Variants in TNR observed in about 807,000 individuals in gnomAD.
The protein encoded by TNR is tenascin R.
A neutral mutation model predicts 150.4 loss-of-function variants in TNR; 45 were observed. That is an observed-to-expected ratio of 0.30 (90% CI 0.24 to 0.38). TNR has a LOEUF of 0.38. TNR is among the 10% of genes least tolerant of loss of function. The pLI is 1.00. For synonymous variants in TNR, 687 were observed against 678.4 expected (o/e 1.01, Z -0.20); for missense variants, 1,544 against 1,759.1 (o/e 0.88, Z 2.19).
chr1:175,392,693 G>A (rs1394621247), intron 6 of TNR, among the ~76,000 whole-genome samples: 2 of 152,148 alleles, frequency 1.3e-5, no homozygotes, highest in African/African-American at 2.4e-5. Flanking sequence ...TAATATGACT[G>A]TAAATAAGAA....
In TNR at chr1:175,449,598, C is replaced by T. The variant is rs531739488; in HGVS notation, c.-63-42821G>A. On this transcript the variant is annotated intron_variant, in intron 2 of 22. Transcript: ENST00000367674. Reference sequence around the variant, plus strand: ...TGGCTGCTGCCTGTCCCTGGAAAGGCGTTAGTAAAGATTAAGGTAAAGGGA... The same window carrying T: ...TGGCTGCTGCCTGTCCCTGGAAAGGTGTTAGTAAAGATTAAGGTAAAGGGA... Among the ~76,000 whole-genome samples the T allele has an allele frequency of 1.4e-4, 21 of 152,248 alleles. 1 individual carries two copies. In the South Asian group the frequency reaches 3.9e-3, roughly 29 times the overall value.
chr1:175,430,832 A>C (rs1222450755), intron 2 of TNR, among the ~76,000 whole-genome samples: 1 of 152,240 alleles, frequency 6.6e-6, no homozygotes, highest in East Asian at 1.9e-4. Flanking sequence ...GGCTCAGGGA[A>C]ACATCATTAC....
In TNR at chr1:175,561,140, G is replaced by C. The variant is rs575166577; in HGVS notation, c.-164-32771C>G. ...CTCATTCTGAGTGTTAGCCTGTCTG[G>C]CACTATTTTTACAGGCTTATAATAC... On this transcript the variant is annotated intron_variant, in intron 1 of 22. Transcript: ENST00000367674. Among the ~76,000 whole-genome samples, 13 of 152,192 alleles carry C rather than the reference G, an allele frequency of 8.5e-5. No homozygotes were observed. In the South Asian group the frequency reaches 2.3e-3, roughly 27 times the overall value.
At chr1:175,685,006 T>C (rs1239060120) in intron 1 of TNR, among the ~76,000 whole-genome samples, 1 of 152,110 alleles carries the variant, frequency 6.6e-6, no homozygotes, top group Non-Finnish European at 1.5e-5. Context: ...TCCTATTTCC[T>C]TTTTTTCATC....
intron 1 of TNR, among the ~76,000 whole-genome samples, chr1:175,642,691 G>C (rs1664701112): frequency 6.6e-6 from 1 of 152,144 alleles, no homozygotes; most frequent in Non-Finnish European, 1.5e-5. Flanking sequence ...CAGCACTTTG[G>C]GAGGCCAAGA....
At chr1:175,734,786 C>G (rs989339051) in intron 1 of TNR, among the ~76,000 whole-genome samples, 3 of 152,206 alleles carry the variant, frequency 2.0e-5, no homozygotes, top group Non-Finnish European at 4.4e-5. Context: ...GCCTCACTTG[C>G]AGATGCTCAA....
chr1:175,364,981 T>A (rs780369184), intron 12 of TNR, 29 bp downstream of exon 12: 1 of 1,574,782 alleles, frequency 6.4e-7, no homozygotes, highest in Non-Finnish European at 8.6e-7. Flanking sequence ...ACCCCTTTCA[T>A]CACCTGCTGC....
At chr1:175,679,782 G>C (rs1014514699) in intron 1 of TNR, among the ~76,000 whole-genome samples, 1 of 152,180 alleles carries the variant, frequency 6.6e-6, no homozygotes, top group African/African-American at 2.4e-5. Context: ...TGGAAGAGGA[G>C]AGAAGCCTGC....
intron 1 of TNR, among the ~76,000 whole-genome samples, chr1:175,720,521 T>C (rs113574605): frequency 9.2e-5 from 14 of 152,348 alleles, no homozygotes; most frequent in African/African-American, 2.6e-4. Context: ...AGACGGGAAC[T>C]GTGCTTGGGC....
At chr1:175,507,124 A>G (rs1658987184) in intron 2 of TNR, among the ~76,000 whole-genome samples, 2 of 152,100 alleles carry the variant, frequency 1.3e-5, no homozygotes, top group Non-Finnish European at 2.9e-5. Context: ...CTCCGTGGAT[A>G]AGGACAGCCA....
chr1:175,373,005 C>A (rs949797954), intron 9 of TNR, among the ~76,000 whole-genome samples: 4 of 152,154 alleles, frequency 2.6e-5, no homozygotes, highest in African/African-American at 9.7e-5. Context: ...GGTTTCCTCA[C>A]TAGACTCTTA....
intron 1 of TNR, among the ~76,000 whole-genome samples, chr1:175,530,956 C>A (rs1037261796): frequency 1.3e-5 from 2 of 152,180 alleles, no homozygotes; most frequent in African/African-American, 2.4e-5. Context: ...CCATGCCAGG[C>A]ACCAGGAATA....
Position 175,455,338 on chromosome 1 carries a change from A to G in TNR, c.-63-48561T>C, listed in dbSNP as rs527833776. 5.6e-4 allele frequency among the ~76,000 whole-genome samples: 86 copies of G among 152,356 alleles called. 1 individual carries two copies. Among genetic ancestry groups the G allele is most frequent in the African/African-American group, 2.1e-3 (86 of 41,592 alleles). On this transcript the variant is annotated intron_variant, in intron 2 of 22. Transcript: ENST00000367674. The stretch of plus-strand genomic sequence containing the variant: ...GGGGTGGTTTGTTACACTGATAATC[A>G]GAACAAGGCCGATACAATATTCCTT...
intron 2 of TNR, among the ~76,000 whole-genome samples, chr1:175,419,304 A>G (rs1654645119): frequency 6.6e-6 from 1 of 152,212 alleles, no homozygotes; most frequent in Non-Finnish European, 1.5e-5. Flanking sequence ...ATCTGAATAA[A>G]GACAAGAATT....
chr1:175,565,688 T>C (rs1432231252), intron 1 of TNR, among the ~76,000 whole-genome samples: 5 of 152,152 alleles, frequency 3.3e-5, no homozygotes, highest in African/African-American at 1.2e-4. Flanking sequence ...GACTTTACCC[T>C]CAGAAAACAA....
At chr1:175,335,892 T>C in intron 19 of TNR, 85 bp from the exon 20 acceptor site, 1 of 1,197,812 alleles carries the variant, frequency 8.3e-7, no homozygotes, top group South Asian at 1.4e-5. Context: ...CTGTGATAAG[T>C]AAAATTGATA....
At chr1:175,568,355 T>C (rs1434647677) in intron 1 of TNR, among the ~76,000 whole-genome samples, 5 of 152,286 alleles carry the variant, frequency 3.3e-5, no homozygotes. Flanking sequence ...ACCTGTTTCA[T>C]GTAATTGTTT....
intron 18 of TNR, among the ~76,000 whole-genome samples, chr1:175,352,556 A>G (rs1261009742): frequency 6.6e-6 from 1 of 152,078 alleles, no homozygotes; most frequent in Non-Finnish European, 1.5e-5. Flanking sequence ...AGAGGGTAGC[A>G]CCTTAGTTCT....
chr1:175,714,715 C>A (rs905160369), intron 1 of TNR, among the ~76,000 whole-genome samples: 1 of 152,188 alleles, frequency 6.6e-6, no homozygotes, highest in Non-Finnish European at 1.5e-5. Flanking sequence ...AATTACTGGC[C>A]CCCAATTCAT....
Sources: allele counts gnomAD v4.1 joint callset (sites outside exome capture counted in the v4.1 genomes callset), GRCh38; gene constraint gnomAD v4.1.1; transcripts MANE v1.5; gene names NCBI Gene and HGNC (gene_info 2026-07-23, HGNC 2026-07-21).